SPATA21: variants seen among roughly 807,000 people sequenced by gnomAD.
SPATA21 encodes spermatogenesis-associated protein 21.
In SPATA21, 47 loss-of-function variants were observed where a neutral mutation model predicts 54.8. The ratio of observed to expected loss-of-function variants is 0.86; its 90% confidence interval spans 0.68 to 1.09. SPATA21 has a LOEUF of 1.09. SPATA21 is among the 50% of genes least tolerant of loss of function. The pLI, the probability that SPATA21 is intolerant of heterozygous loss-of-function variation, is 0.00. For synonymous variants in SPATA21, 245 were observed against 235.3 expected, an observed-to-expected ratio of 1.04 and a Z score of -0.38; for missense variants, 599 against 596.4, an observed-to-expected ratio of 1.00 and a Z score of -0.05.
rs1184691034 is a variant in SPATA21, at chr1:16,421,982, G to A, written c.35-11C>T. 16 of 1,614,186 alleles carry A rather than the reference G, an allele frequency of 9.9e-6. No individual in the cohort carries two copies. The highest frequency in any genetic ancestry group is 1.3e-5 in the Non-Finnish European group (15 of 1,180,028). ...TGACTGTCTTTTCCTCTGGAGCCAC[G>A]ACGGACATTGGGGGCATTGCTTCCT... On this transcript the variant is annotated splice_polypyrimidine_tract_variant and intron_variant, in intron 3 of 12. Coordinates refer to ENST00000335496, the MANE Select transcript of SPATA21 (RefSeq NM_198546.1). This position sits in a 1 kb window ranked among gnomAD's most constrained non-coding sequence, Gnocchi z 5.2.
At chr1:16,400,985 G>A in intron 10 of SPATA21, 93 bp from the exon 11 acceptor site, 1 of 1,458,600 alleles carries the variant, frequency 6.9e-7, no homozygotes, top group Non-Finnish European at 9.2e-7. Flanking sequence ...CTCTGGAGCA[G>A]GAACACAAGC....
intron 5 of SPATA21, among the ~76,000 whole-genome samples, chr1:16,419,202 G>A (rs150129657): frequency 8.5e-5 from 13 of 152,300 alleles, no homozygotes; most frequent in East Asian, 3.9e-4. Flanking sequence ...CAAGAGAGCC[G>A]TAAGACTGTC....
chr1:16,423,006 A>G (rs2086213861), intron 3 of SPATA21, among the ~76,000 whole-genome samples: 1 of 151,964 alleles, frequency 6.6e-6, no homozygotes, highest in African/African-American at 2.4e-5. Context: ...CTCTACACAA[A>G]ATTAGCTACG....
At position 16,409,589 on chromosome 1, in the gene SPATA21, G is replaced by A. The variant is rs967549239; in HGVS notation, c.587+12C>T. On this transcript the variant is annotated intron_variant, in intron 6 of 12. Coordinates refer to ENST00000335496, the MANE Select transcript of SPATA21 (RefSeq NM_198546.1). This position sits in a 1 kb window ranked among gnomAD's most constrained non-coding sequence, Gnocchi z 4.1. ...TTTCAGGAGCGGGCGGGTGAGCAGC[G>A]GGGGCTCCTACCGCGCCTTGGCGTA... 15 of 1,604,766 alleles carry A rather than the reference G, an allele frequency of 9.3e-6. No individual in the cohort carries two copies. The highest frequency in any genetic ancestry group is 4.0e-5 in the African/African-American group (3 of 74,822).
Position 16,398,698 on chromosome 1 carries a change from G to T in SPATA21, c.*67C>A. The T allele has an allele frequency of 6.4e-7, 1 of 1,570,818 alleles. No homozygotes were observed. The highest frequency in any genetic ancestry group is 8.8e-7 in the Non-Finnish European group (1 of 1,141,628). On this transcript the variant is annotated 3_prime_UTR_variant, in exon 13 of 13. Coordinates refer to ENST00000335496, the MANE Select transcript of SPATA21 (RefSeq NM_198546.1). ...GCCACAAAAGCAAATCCCAGCAGCA[G>T]CTCCTGCCTGGTGGCCCATCTGTCT...
In SPATA21 at chr1:16,421,379, A is replaced by G; in HGVS notation, c.144+130T>C. 1.1e-6 allele frequency: 1 copy of G among 897,744 alleles called. No individual in the cohort carries two copies. Among genetic ancestry groups the G allele is most frequent in the African/African-American group, 1.7e-5 (1 of 59,524 alleles). 55.6% of individuals were successfully genotyped at this position (897,744 alleles called of 1,614,324 possible). A position where few individuals can be genotyped will look rare whatever the true frequency, so the allele number is the denominator to read the frequency against. ...TGTGCACTTTAACACACAGCCACAC[A>G]CACCTTCCTTGGTTTGACTCCAAAT... On this transcript the variant is annotated intron_variant, in intron 5 of 12. Coordinates refer to ENST00000335496, the MANE Select transcript of SPATA21 (RefSeq NM_198546.1). The surrounding 1 kb of genome is among the most constrained non-coding windows in gnomAD (Gnocchi z 5.2).
At chr1:16,404,689 A>T (rs563278936) in intron 8 of SPATA21, among the ~76,000 whole-genome samples, 2 of 152,230 alleles carry the variant, frequency 1.3e-5, no homozygotes, top group East Asian at 3.9e-4. Context: ...GTGCGCCTAT[A>T]GCCCCAATTA....
intron 3 of SPATA21, among the ~76,000 whole-genome samples, chr1:16,429,546 C>T (rs926468595): frequency 1.3e-5 from 2 of 152,104 alleles, no homozygotes; most frequent in Non-Finnish European, 2.9e-5. Flanking sequence ...GCAATCTCCG[C>T]TCACCGCAAC....
chr1:16,410,098 A>G (rs1373634693), intron 5 of SPATA21, 55 bp from the exon 6 acceptor site: 15 of 1,399,154 alleles, frequency 1.1e-5, no homozygotes, highest in Non-Finnish European at 1.5e-5. Flanking sequence ...GTGTCCCACA[A>G]ATCTCCTCCC....
At chr1:16,402,319 T>A (rs985994292) in intron 10 of SPATA21, among the ~76,000 whole-genome samples, 1 of 127,564 alleles carries the variant, frequency 7.8e-6, no homozygotes, top group East Asian at 2.7e-4. Flanking sequence ...TGGAGTGCAG[T>A]GGTGGCATCT....
chr1:16,432,595 C>G (rs1557676111), intron 2 of SPATA21, among the ~76,000 whole-genome samples, 195 bp downstream of exon 2: 1 of 152,240 alleles, frequency 6.6e-6, no homozygotes, highest in Non-Finnish European at 1.5e-5. Flanking sequence ...TCCGATAGCC[C>G]CCAACCCATC....
chr1:16,404,775 A>C (rs2085574434), intron 8 of SPATA21, among the ~76,000 whole-genome samples, 192 bp downstream of exon 8: 1 of 152,200 alleles, frequency 6.6e-6, no homozygotes, highest in Admixed American at 6.5e-5. Flanking sequence ...ACAGCATTAT[A>C]CTCAGTCTGA....
At chr1:16,420,245 G>A (rs2086131055) in intron 5 of SPATA21, among the ~76,000 whole-genome samples, 1 of 152,104 alleles carries the variant, frequency 6.6e-6, no homozygotes, top group African/African-American at 2.4e-5. Flanking sequence ...TGATAAGCCA[G>A]ATGGAGATTA....
At chr1:16,398,967 G>A (rs987403323) in intron 12 of SPATA21, 145 bp from the exon 13 acceptor site, 1 of 895,674 alleles carries the variant, frequency 1.1e-6, no homozygotes. Flanking sequence ...GTGCTTAGGG[G>A]CCTGATTCCA....
chr1:16,425,563 G>A (rs2086297209), intron 3 of SPATA21: 2 of 1,549,610 alleles, frequency 1.3e-6, no homozygotes, highest in Admixed American at 2.0e-5. Flanking sequence ...CGATTCCCCG[G>A]TTCCGTTGCC....
rs1286520944 is a variant in SPATA21, at chr1:16,399,447, G to A, written c.1249C>T (p.Arg417Cys). Residue 417 changes from arginine (R) to cysteine (C), a missense_variant, in exon 12 of 13, where the codon CGT becomes TGT. Physicochemically the swap from Arg to Cys is radical, Grantham distance 180. Transcript: ENST00000335496. The part of the protein sequence containing the change: ...LCPQLDKKMV[R>C]RQPSNHYALD... ...GCATAGTGGTTGCTCGGCTGCCTAC[G>A]GACCATCTTCTTGTCCAGCTGTGGG... 15 of 1,614,058 alleles carry A rather than the reference G, an allele frequency of 9.3e-6. No individual in the cohort carries two copies. The highest frequency in any genetic ancestry group is 5.3e-5 in the African/African-American group (4 of 74,932).
chr1:16,421,769 G>T lies in SPATA21; in HGVS notation c.95+142C>A. On this transcript the variant is annotated intron_variant, in intron 4 of 12. Transcript: ENST00000335496. The surrounding 1 kb of genome is among the most constrained non-coding windows in gnomAD (Gnocchi z 5.2). ...GTATTCCAGCCATTACACAGATGGG[G>T]AAATTGAGACCCAGCGGAGCATGAC... 7.5e-7 allele frequency: 1 copy of T among 1,330,384 alleles called. No individual in the cohort carries two copies. Among genetic ancestry groups the T allele is most frequent in the Non-Finnish European group, 1.1e-6 (1 of 940,260 alleles). 82.4% of individuals were successfully genotyped at this position (1,330,384 alleles called of 1,614,324 possible).
intron 5 of SPATA21, among the ~76,000 whole-genome samples, chr1:16,419,508 T>C (rs2100853744): frequency 6.6e-6 from 1 of 152,246 alleles, no homozygotes; most frequent in East Asian, 1.9e-4. Flanking sequence ...TTGAGCTGGG[T>C]TGCATGAGCC....
At chr1:16,436,615 A>C (rs2086592333) in intron 1 of SPATA21, among the ~76,000 whole-genome samples, 1 of 151,368 alleles carries the variant, frequency 6.6e-6, no homozygotes, top group Non-Finnish European at 1.5e-5. Context: ...AAAATACAAA[A>C]ATTAGCTGGG....
Sources: gnomAD v4.1 joint callset for allele counts (sites outside exome capture counted in the v4.1 genomes callset) on GRCh38, gnomAD v4.1.1 for gene constraint, Gnocchi (gnomAD v3.1) non-coding constraint, MANE v1.5 for transcripts, NCBI Gene and HGNC (gene_info 2026-07-23, HGNC 2026-07-21) for gene names.